Variants in ARHGAP6 observed in about 807,000 individuals in gnomAD.
ARHGAP6 encodes Rho GTPase activating protein 6.
ARHGAP6 carries 16 observed loss-of-function variants against 55.7 expected under a neutral mutation model. The observed-to-expected ratio is 0.29, with a 90% CI of 0.19 to 0.44. ARHGAP6 has a LOEUF of 0.44. Among genes scored for constraint, ARHGAP6 ranks in the 20% least tolerant of loss-of-function variants. ARHGAP6 has a pLI of 1.00. For synonymous variants in ARHGAP6, 382 were observed against 360.9 expected (o/e 1.06, Z -0.66); for missense variants, 698 against 808.9 (o/e 0.86, Z 1.66).
intron 1 of ARHGAP6, among the ~76,000 whole-genome samples, chrX:11,555,836 G>A (rs976094985): frequency 1.9e-4 from 21 of 111,288 alleles, no homozygotes; most frequent in African/African-American, 6.9e-4. Context: ...ACCTCCACAT[G>A]GGAACGTGCA....
chrX:11,567,255 G>C (rs889528069), intron 1 of ARHGAP6, among the ~76,000 whole-genome samples: 6 of 111,528 alleles, frequency 5.4e-5, no homozygotes, highest in Middle Eastern at 4.6e-3. Context: ...TTATTTGGAA[G>C]GTGAGACAGA....
intron 1 of ARHGAP6, among the ~76,000 whole-genome samples, chrX:11,655,044 G>A (rs185284982): frequency 7.2e-5 from 8 of 111,152 alleles, no homozygotes; most frequent in African/African-American, 2.0e-4. Flanking sequence ...ATTAGCTGTC[G>A]CTCCACATCC....
chrX:11,510,400 C>A lies in ARHGAP6; in HGVS notation c.588+153841G>T, dbSNP rs73184368. 4.5e-3 allele frequency among the ~76,000 whole-genome samples: 501 copies of A among 110,961 alleles called. 1 individual carries two copies. Among genetic ancestry groups the A allele is most frequent in the Admixed American group, 8.3e-3 (86 of 10,359 alleles). On this transcript the variant is annotated intron_variant, in intron 1 of 12. Coordinates refer to ENST00000337414, the MANE Select transcript of ARHGAP6 (RefSeq NM_013427.3). Reference sequence around the variant, plus strand: ...ATCACTAAAGAGGATATTTTCCTGCCTGCTGATTTTGGATTTGGCCATGCG... The same window carrying A: ...ATCACTAAAGAGGATATTTTCCTGCATGCTGATTTTGGATTTGGCCATGCG...
At chrX:11,599,198 T>A (rs1020263248) in intron 1 of ARHGAP6, among the ~76,000 whole-genome samples, 2 of 112,252 alleles carry the variant, frequency 1.8e-5, no homozygotes, top group African/African-American at 6.5e-5. Context: ...CTATTGTGAA[T>A]AATACTGCAA....
chrX:11,243,046 A>T (rs1314829864), intron 2 of ARHGAP6, among the ~76,000 whole-genome samples: 1 of 112,125 alleles, frequency 8.9e-6, no homozygotes, highest in East Asian at 2.8e-4. Context: ...TTGAATTTTT[A>T]ATGTATCTCA....
At chrX:11,336,470 C>A (rs1318341258) in intron 1 of ARHGAP6, among the ~76,000 whole-genome samples, 1 of 111,496 alleles carries the variant, frequency 9.0e-6, no homozygotes, top group East Asian at 2.8e-4. Context: ...ATAGATGACG[C>A]TGGCACTCTC....
At chrX:11,428,240 G>A (rs2049909335) in intron 1 of ARHGAP6, among the ~76,000 whole-genome samples, 1 of 111,968 alleles carries the variant, frequency 8.9e-6, no homozygotes, top group Non-Finnish European at 1.9e-5. Flanking sequence ...GTCTCAAATT[G>A]TGGGGACCCT....
chrX:11,154,962 A>C (rs1174454303), intron 10 of ARHGAP6, among the ~76,000 whole-genome samples: 2 of 112,024 alleles, frequency 1.8e-5, no homozygotes, highest in African/African-American at 6.5e-5. Context: ...TATTTGAATC[A>C]GAATTTGGCC....
chrX:11,621,156 G>C (rs1471411259), intron 1 of ARHGAP6, among the ~76,000 whole-genome samples: 1 of 111,477 alleles, frequency 9.0e-6, no homozygotes, highest in African/African-American at 3.3e-5. Context: ...GTGAGAGAGA[G>C]AGAACGGACA....
intron 1 of ARHGAP6, among the ~76,000 whole-genome samples, chrX:11,350,504 C>T (rs2048848932): frequency 8.9e-6 from 1 of 111,733 alleles, no homozygotes; most frequent in Non-Finnish European, 1.9e-5. Context: ...ATGACTATGT[C>T]CCAAAACAGA....
At chrX:11,357,388 G>C (rs1235101836) in intron 1 of ARHGAP6, among the ~76,000 whole-genome samples, 1 of 111,460 alleles carries the variant, frequency 9.0e-6, no homozygotes, top group Non-Finnish European at 1.9e-5. Context: ...AAATCCAGGG[G>C]GTCCTGATTC....
At chrX:11,195,959 CAAAAAAAAAA>C (rs1024986729) in intron 3 of ARHGAP6, among the ~76,000 whole-genome samples, 613 of 8,373 alleles carry the variant, frequency 0.073, 14 homozygotes, top group African/African-American at 0.18. Context: ...ACTAAAAATA[CAAAAAAAAAA>C]AAAAAAAAAA....
intron 2 of ARHGAP6, among the ~76,000 whole-genome samples, chrX:11,232,471 A>AC (rs200408043): frequency 9.3e-4 from 94 of 101,340 alleles, no homozygotes; most frequent in African/African-American, 1.8e-3. Context: ...AAATACACAC[A>AC]AAAAAAAAAA....
intron 1 of ARHGAP6, among the ~76,000 whole-genome samples, chrX:11,566,843 T>G (rs935691185): frequency 8.9e-6 from 1 of 112,563 alleles, no homozygotes; most frequent in Non-Finnish European, 1.9e-5. Context: ...AGACTTTTGT[T>G]TCTTTAAAAA....
At chrX:11,417,301 T>C (rs1320067606) in intron 1 of ARHGAP6, among the ~76,000 whole-genome samples, 1 of 105,978 alleles carries the variant, frequency 9.4e-6, no homozygotes. Context: ...ATGGAGACAG[T>C]TCAGTGGTAG....
rs951208795 is a variant in ARHGAP6, at chrX:11,276,905, G to T, written c.589-22198C>A. Reference sequence around the variant, plus strand: ...GACATAAAAATCATATGCCATAAAAGTTACCACTTTAAAGTGTATAGTTCT... The same window carrying T: ...GACATAAAAATCATATGCCATAAAATTTACCACTTTAAAGTGTATAGTTCT... On this transcript the variant is annotated intron_variant, in intron 1 of 12. Transcript: ENST00000337414. Among the ~76,000 whole-genome samples, 3 of 111,369 alleles carry T rather than the reference G, an allele frequency of 2.7e-5. No individual in the cohort carries two copies. In the Admixed American group the frequency reaches 2.9e-4, roughly 11 times the overall value.
chrX:11,535,301 C>A (rs989921471), intron 1 of ARHGAP6, among the ~76,000 whole-genome samples: 8 of 111,709 alleles, frequency 7.2e-5, no homozygotes, highest in African/African-American at 2.6e-4. Flanking sequence ...CTAATGTTTA[C>A]CTTCTAGAAT....
chrX:11,249,515 G>A (rs1009675165), intron 2 of ARHGAP6, among the ~76,000 whole-genome samples: 1 of 111,622 alleles, frequency 9.0e-6, no homozygotes, highest in Non-Finnish European at 1.9e-5. Context: ...GTGTATGAGA[G>A]TGTTTGTTTC....
intron 1 of ARHGAP6, among the ~76,000 whole-genome samples, chrX:11,632,579 G>A (rs1241262293): frequency 8.9e-6 from 1 of 112,248 alleles, no homozygotes; most frequent in African/African-American, 3.2e-5. Context: ...GCAAATTGCA[G>A]CTTTAATTGA....
Sources: allele counts gnomAD v4.1 joint callset (sites outside exome capture counted in the v4.1 genomes callset), GRCh38; gene constraint gnomAD v4.1.1; transcripts MANE v1.5; gene names NCBI Gene and HGNC (gene_info 2026-07-23, HGNC 2026-07-21).